Variants in STAG1 observed in about 807,000 individuals in gnomAD.
STAG1 encodes the protein STAG1 cohesin complex component, also known as cohesin subunit SA-1.
Under a neutral mutation model 170.9 loss-of-function variants are expected in STAG1, and 26 were observed. The ratio of observed to expected loss-of-function variants is 0.15; its 90% confidence interval spans 0.11 to 0.21. The LOEUF (loss-of-function observed/expected upper bound fraction) is 0.21, where lower values mean the gene tolerates loss of function less well. STAG1 is among the 10% of genes least tolerant of loss of function. The pLI is 1.00. For missense variants in STAG1, 964 were observed against 1,509.5 expected, an observed-to-expected ratio of 0.64 and a Z score of 5.99; for synonymous variants, 514 against 497.7, an observed-to-expected ratio of 1.03 and a Z score of -0.44.
chr3:136,663,937 TAA>T (rs1221482673), intron 1 of STAG1, among the ~76,000 whole-genome samples: 2 of 151,922 alleles, frequency 1.3e-5, no homozygotes, highest in African/African-American at 2.4e-5. Context: ...CCAAAGGAGA[TAA>T]AGAGAGGATC....
At chr3:136,608,719 G>A (rs995903444) in intron 3 of STAG1, among the ~76,000 whole-genome samples, 11 of 144,858 alleles carry the variant, frequency 7.6e-5, no homozygotes, top group African/African-American at 2.1e-4. Flanking sequence ...TAGGAGAATC[G>A]AATGAGCCGG....
intron 5 of STAG1, among the ~76,000 whole-genome samples, chr3:136,560,000 C>T (rs1936777058): frequency 6.6e-6 from 1 of 152,130 alleles, no homozygotes; most frequent in African/African-American, 2.4e-5. Context: ...ATAACAACTT[C>T]CTGAAAAGAA....
chr3:136,705,724 A>G (rs1254897993), intron 1 of STAG1, among the ~76,000 whole-genome samples: 1 of 152,148 alleles, frequency 6.6e-6, no homozygotes, highest in Non-Finnish European at 1.5e-5. Context: ...CCATGATTCT[A>G]AAGCATCCCC....
At chr3:136,401,475 G>A (rs2087324309) in intron 21 of STAG1, among the ~76,000 whole-genome samples, 1 of 152,176 alleles carries the variant, frequency 6.6e-6, no homozygotes, top group Non-Finnish European at 1.5e-5. Flanking sequence ...TATTCAAAGT[G>A]TTTGTATCTA....
intron 2 of STAG1, among the ~76,000 whole-genome samples, chr3:136,628,107 A>G (rs1940183825): frequency 6.6e-6 from 1 of 152,120 alleles, no homozygotes; most frequent in African/African-American, 2.4e-5. Context: ...TCACGGGAGC[A>G]GTTTCCTCTA....
At chr3:136,463,633 T>C (rs992560709) in intron 13 of STAG1, among the ~76,000 whole-genome samples, 3 of 150,090 alleles carry the variant, frequency 2.0e-5, no homozygotes, top group Non-Finnish European at 4.4e-5. Context: ...ATCCCAACAC[T>C]ATGGGAGGCT....
chr3:136,616,460 G>A (rs928780667), intron 3 of STAG1, among the ~76,000 whole-genome samples: 3 of 151,952 alleles, frequency 2.0e-5, no homozygotes, highest in African/African-American at 7.2e-5. Context: ...AATTCTAAAT[G>A]AAAAATTAAG....
intron 22 of STAG1, among the ~76,000 whole-genome samples, chr3:136,392,166 TC>T (rs2087027326): frequency 6.6e-6 from 1 of 152,120 alleles, no homozygotes; most frequent in African/African-American, 2.4e-5. Flanking sequence ...ACCTAGCAAT[TC>T]CATTTCTAAG....
In STAG1 at chr3:136,472,830, C is replaced by A. The variant is rs556825418; in HGVS notation, c.1126-338G>T. Among the ~76,000 whole-genome samples the A allele has an allele frequency of 3.8e-4, 58 of 152,222 alleles. 1 individual carries two copies. The South Asian group carries it at 0.011, about 29-fold the overall frequency. ...AATAAATAAGAACTCATGGTAATAT[C>A]TTTTGTAAAGCAGAGATTCACTTAT... On this transcript the variant is annotated intron_variant, in intron 11 of 33. Coordinates refer to ENST00000383202, the MANE Select transcript of STAG1 (RefSeq NM_005862.3).
At chr3:136,353,009 T>C (rs1333740461) in intron 28 of STAG1, among the ~76,000 whole-genome samples, 1 of 152,042 alleles carries the variant, frequency 6.6e-6, no homozygotes, top group African/African-American at 2.4e-5. Flanking sequence ...TCTCATGAAA[T>C]AAAGAGTATC....
At chr3:136,622,187 G>A (rs1306920616) in intron 3 of STAG1, among the ~76,000 whole-genome samples, 1 of 151,108 alleles carries the variant, frequency 6.6e-6, no homozygotes, top group Non-Finnish European at 1.5e-5. Flanking sequence ...GGGCATGATG[G>A]TGAGGGCCTA....
At chr3:136,464,169 A>T (rs1270483785) in intron 13 of STAG1, among the ~76,000 whole-genome samples, 1 of 152,050 alleles carries the variant, frequency 6.6e-6, no homozygotes, top group Non-Finnish European at 1.5e-5. Flanking sequence ...CATGCCTGTA[A>T]TCCCAGCAGT....
chr3:136,538,936 C>G (rs1935768164), intron 6 of STAG1, among the ~76,000 whole-genome samples: 1 of 152,016 alleles, frequency 6.6e-6, no homozygotes, highest in Non-Finnish European at 1.5e-5. Flanking sequence ...AGATCAAGAT[C>G]ATCCTGGCTG....
rs193187737 is a variant in STAG1 at position 136,665,932 on chromosome 3, G to A, written c.-83-34951C>T. On this transcript the variant is annotated intron_variant, in intron 1 of 33. Coordinates refer to ENST00000383202, the MANE Select transcript of STAG1 (RefSeq NM_005862.3). ...CCACTAAAAATACAAAAAATTAGCC[G>A]GGTGAGGTGGCGGGCACATGTAGTC... is the stretch of plus-strand genomic sequence containing the variant. 7.4e-5 allele frequency among the ~76,000 whole-genome samples: 11 copies of A among 149,232 alleles called. 1 individual carries two copies. The South Asian group carries it at 1.1e-3, about 14-fold the overall frequency.
At chr3:136,541,447 ATTAAT>A (rs1559868993) in intron 6 of STAG1, among the ~76,000 whole-genome samples, 1 of 151,914 alleles carries the variant, frequency 6.6e-6, no homozygotes, top group Non-Finnish European at 1.5e-5. Context: ...GAGAAAGGTG[ATTAAT>A]TTGTGAAGCC....
Position 136,349,300 on chromosome 3 carries a change from A to T in STAG1, c.3129T>A (p.Leu1043=), listed in dbSNP as rs1030396331. 11 of 1,613,978 alleles carry T rather than the reference A, an allele frequency of 6.8e-6. No individual in the cohort carries two copies. Among genetic ancestry groups the T allele is most frequent in the Non-Finnish European group, 9.3e-6 (11 of 1,179,862 alleles). ...ATGAATTTCTATAGGAGATGAGTGG[A>T]AGCCATACATCCTCCCTCCTTTCCA... ...QMMERREDVW[L]PLISYRNSLV... is the part of the protein sequence containing the mutation. Residue 1043 remains leucine (L), a synonymous_variant, in exon 29 of 34, where the codon CTT becomes CTA. Transcript: ENST00000383202.
At chr3:136,469,912 TG>T (rs2089578474) in intron 12 of STAG1, among the ~76,000 whole-genome samples, 1 of 152,216 alleles carries the variant, frequency 6.6e-6, no homozygotes, top group Non-Finnish European at 1.5e-5. Flanking sequence ...TGAATGGTGC[TG>T]GGAAAACTGG....
At chr3:136,351,992 C>T (rs1389988599) in intron 28 of STAG1, among the ~76,000 whole-genome samples, 1 of 152,120 alleles carries the variant, frequency 6.6e-6, no homozygotes, top group East Asian at 1.9e-4. Flanking sequence ...GCAAAGACAT[C>T]AGAGGCTGCA....
At chr3:136,516,040 G>A (rs1477268794) in intron 7 of STAG1, among the ~76,000 whole-genome samples, 1 of 151,958 alleles carries the variant, frequency 6.6e-6, no homozygotes, top group Non-Finnish European at 1.5e-5. Flanking sequence ...AAAATAAAAT[G>A]TAAATACAAA....
Sources: gnomAD v4.1 joint callset for allele counts (sites outside exome capture counted in the v4.1 genomes callset) on GRCh38, gnomAD v4.1.1 for gene constraint, MANE v1.5 for transcripts, NCBI Gene and HGNC (gene_info 2026-07-23, HGNC 2026-07-21) for gene names.